Variants in STX6 observed in about 807,000 individuals in gnomAD.
The protein encoded by STX6 is syntaxin-6.
A neutral mutation model predicts 38.0 loss-of-function variants in STX6; 23 were observed. That is an observed-to-expected ratio of 0.60 (90% CI 0.43 to 0.86). The LOEUF is 0.86. Ranked by LOEUF, STX6 falls within the 40% of genes least tolerant of loss-of-function variation. The probability of loss-of-function intolerance (pLI) is 0.00; values close to 1 mark genes in which losing one functional copy is unlikely to be tolerated. For synonymous variants in STX6, 123 were observed against 107.5 expected (o/e 1.14, Z -0.89); for missense variants, 274 against 312.9 (o/e 0.88, Z 0.94).
At chr1:181,008,730 T>TTTG (rs1473993397) in intron 1 of STX6, among the ~76,000 whole-genome samples, 1 of 148,360 alleles carries the variant, frequency 6.7e-6, no homozygotes, top group Non-Finnish European at 1.5e-5. Context: ...CAAAATTGTT[T>TTTG]TTTTTTTTTT....
intron 7 of STX6, among the ~76,000 whole-genome samples, chr1:180,984,063 C>CAAAAA (rs10625558): frequency 0.1 from 719 of 7,152 alleles, 169 homozygotes; most frequent in Middle Eastern, 0.3. Context: ...GGCTCCATCT[C>CAAAAA]AAAAAAAAAA....
chr1:181,003,380 C>A (rs953209934), intron 2 of STX6, among the ~76,000 whole-genome samples: 1 of 152,172 alleles, frequency 6.6e-6, no homozygotes, highest in African/African-American at 2.4e-5. Context: ...ACTCAATAAA[C>A]ACTTGCTGGT....
intron 1 of STX6, 49 bp downstream of exon 1, chr1:181,022,590 G>A (rs1317544457): frequency 6.3e-7 from 1 of 1,581,340 alleles, no homozygotes; most frequent in African/African-American, 1.4e-5. Flanking sequence ...GGTGCGGGCA[G>A]GCAGCACCGC....
intron 4 of STX6, 23 bp from the exon 5 acceptor site, chr1:180,990,132 G>A (rs1257181679): frequency 6.2e-7 from 1 of 1,613,372 alleles, no homozygotes; most frequent in Non-Finnish European, 8.5e-7. Flanking sequence ...AACAACCAGA[G>A]GAGTCAGGAG....
chr1:180,991,265 A>C lies in STX6; in HGVS notation c.364-1156T>G, dbSNP rs3927542. Among the ~76,000 whole-genome samples the C allele has an allele frequency of 8.6e-3, 1,315 of 152,206 alleles. 68 individuals carry two copies. The East Asian group carries it at 0.15, about 18-fold the overall frequency. ...CTTACAAGAGCTTCCAGGGGCCCAGAGCTTCAGTCCAGCTGGATGGTGACT... is the reference window on the plus strand; with the variant it reads ...CTTACAAGAGCTTCCAGGGGCCCAGCGCTTCAGTCCAGCTGGATGGTGACT... On this transcript the variant is annotated intron_variant, in intron 4 of 7. Transcript: ENST00000258301.
At chr1:180,985,047 G>A (rs1411216413) in intron 6 of STX6, among the ~76,000 whole-genome samples, 1 of 152,134 alleles carries the variant, frequency 6.6e-6, no homozygotes, top group African/African-American at 2.4e-5. Context: ...CCCGTAATCA[G>A]ATACTTAATA....
At chr1:181,011,944 G>A (rs1656413741) in intron 1 of STX6, among the ~76,000 whole-genome samples, 2 of 152,222 alleles carry the variant, frequency 1.3e-5, no homozygotes, top group Non-Finnish European at 1.5e-5. Flanking sequence ...TCTGTCTCCA[G>A]AAAGGTGACA....
chr1:180,984,698 T>C lies in STX6; in HGVS notation c.670A>G (p.Lys224Glu), dbSNP rs770570058. Reference sequence around the variant, plus strand: ...ATACCACTGGTCATATGAGATACTTTTGCAAGTTTCTTCATCACATTGTCC... The same window carrying C: ...ATACCACTGGTCATATGAGATACTTCTGCAAGTTTCTTCATCACATTGTCC... ...RLDNVMKKLA[K>E]VSHMTSDRRQ... Residue 224 changes from lysine to glutamate, a missense_variant, in exon 7 of 8, where the codon AAA becomes GAA. Transcript: ENST00000258301. 2 of 1,570,784 alleles carry C rather than the reference T, an allele frequency of 1.3e-6. No homozygotes were observed. The highest frequency in any genetic ancestry group is 1.8e-6 in the Non-Finnish European group (2 of 1,141,074).
chr1:181,001,701 G>C (rs912624679), intron 3 of STX6, among the ~76,000 whole-genome samples: 10 of 152,092 alleles, frequency 6.6e-5, no homozygotes, highest in African/African-American at 2.2e-4. Context: ...AAACCAAATG[G>C]TTTCTACAAT....
chr1:180,979,884 G>A (rs1254852004), intron 7 of STX6, among the ~76,000 whole-genome samples: 3 of 151,988 alleles, frequency 2.0e-5, no homozygotes, highest in East Asian at 3.9e-4. Flanking sequence ...TTTAAAAATG[G>A]GCAAAAGACC....
chr1:181,012,337 G>A (rs970967963), intron 1 of STX6, among the ~76,000 whole-genome samples: 22 of 152,174 alleles, frequency 1.4e-4, no homozygotes, highest in Non-Finnish European at 2.8e-4. Context: ...CGTCACACAT[G>A]CTGCCCAAAT....
intron 1 of STX6, among the ~76,000 whole-genome samples, chr1:181,021,268 AT>A (rs1656717692): frequency 6.6e-6 from 1 of 152,166 alleles, no homozygotes; most frequent in Non-Finnish European, 1.5e-5. Context: ...AAAAACATCT[AT>A]TTTAAAAATT....
At chr1:181,020,596 G>A (rs183557646) in intron 1 of STX6, among the ~76,000 whole-genome samples, 3 of 152,318 alleles carry the variant, frequency 2.0e-5, no homozygotes, top group Admixed American at 1.3e-4. Flanking sequence ...CCAGGTAAGA[G>A]AGACAGGCCT....
chr1:181,002,156 A>AAG (rs1399286293), intron 3 of STX6, among the ~76,000 whole-genome samples: 9 of 152,220 alleles, frequency 5.9e-5, no homozygotes, highest in African/African-American at 1.9e-4. Context: ...AAAGATTAAA[A>AAG]ACAGATTTCT....
At chr1:180,981,841 T>C (rs993984717) in intron 7 of STX6, among the ~76,000 whole-genome samples, 1 of 152,186 alleles carries the variant, frequency 6.6e-6, no homozygotes, top group Non-Finnish European at 1.5e-5. Flanking sequence ...ACAGGGGCTC[T>C]TGTGACCTCA....
chr1:180,993,689 G>GA (rs35789425), intron 3 of STX6, among the ~76,000 whole-genome samples: 45,062 of 151,994 alleles, frequency 0.3, 7,525 homozygotes, highest in Non-Finnish European at 0.36. Flanking sequence ...CCACAGGTCA[G>GA]AAACAGTGCT....
chr1:180,990,011 G>T lies in STX6; in HGVS notation c.462C>A (p.Phe154Leu). 1 of 1,613,922 alleles carries T rather than the reference G, an allele frequency of 6.2e-7. No homozygotes were observed. The highest frequency in any genetic ancestry group is 1.1e-5 in the South Asian group (1 of 91,064). Residue 154 changes from phenylalanine to leucine, a missense_variant, in exon 5 of 8, where the codon TTC becomes TTA. Transcript: ENST00000258301. ...DRELQRANSH[F>L]IEEQQAQQQL... ...GCTGCTGTGCCTGCTGCTCCTCAAT[G>T]AAATGAGAATTGGCTCTCTGGAGCT...
intron 6 of STX6, among the ~76,000 whole-genome samples, chr1:180,987,484 C>T (rs936221448): frequency 6.6e-6 from 1 of 152,208 alleles, no homozygotes; most frequent in Non-Finnish European, 1.5e-5. Flanking sequence ...CTTCTATATC[C>T]CTTGGCTTCC....
At chr1:181,005,584 A>G in intron 1 of STX6, 121 bp from the exon 2 acceptor site, 1 of 880,866 alleles carries the variant, frequency 1.1e-6, no homozygotes, top group Non-Finnish European at 1.7e-6. Flanking sequence ...ATTCCCACAG[A>G]AGGCTCTTCA....
Sources: allele counts gnomAD v4.1 joint callset (sites outside exome capture counted in the v4.1 genomes callset), GRCh38; gene constraint gnomAD v4.1.1; transcripts MANE v1.5; gene names NCBI Gene and HGNC (gene_info 2026-07-23, HGNC 2026-07-21).